The following HPSE variants were observed in gnomAD, a reference collection of about 807,000 sequenced individuals.
HPSE encodes endo-glucoronidase.
HPSE carries 48 observed loss-of-function variants against 65.1 expected under a neutral mutation model. The ratio of observed to expected loss-of-function variants is 0.74; its 90% CI spans 0.58 to 0.94. The LOEUF (loss-of-function observed/expected upper bound fraction) is 0.94, where lower values mean the gene tolerates loss of function less well. Ranked by LOEUF, HPSE falls within the 40% of genes least tolerant of loss-of-function variation. The pLI is 0.00. For synonymous variants in HPSE, 243 were observed against 260.0 expected, an observed-to-expected ratio of 0.93 and a Z score of 0.63; for missense variants, 644 against 637.5, an observed-to-expected ratio of 1.01 and a Z score of -0.11.
rs1735616122 is a variant in HPSE at position 83,293,377 on chromosome 4, T to G, written c.*1967A>C. ...TTGCTATGAGGTTTGAAGGGGCCCA[T>G]GAAACAGCTACAGCCATCATGCTAC... On this transcript the variant is annotated 3_prime_UTR_variant, in exon 12 of 12. Transcript: ENST00000311412. The G allele has an allele frequency of 6.6e-6, 1 of 152,136 alleles. No individual in the cohort carries two copies. Among genetic ancestry groups the G allele is most frequent in the Non-Finnish European group, 1.5e-5 (1 of 68,036 alleles). 9.4% of individuals were successfully genotyped at this position (152,136 alleles called of 1,614,324 possible).
Position 83,293,393 on chromosome 4 carries a change from A to G in HPSE, c.*1951T>C, listed in dbSNP as rs1203544764. ...AGGGGCCCATGAAACAGCTACAGCC[A>G]TCATGCTACCAGAGTCTGAGAATGA... On this transcript the variant is annotated 3_prime_UTR_variant, in exon 12 of 12. Transcript: ENST00000311412. The G allele has an allele frequency of 1.3e-5, 2 of 152,230 alleles. No individual in the cohort carries two copies. Among genetic ancestry groups the G allele is most frequent in the East Asian group, 1.9e-4 (1 of 5,200 alleles). 9.4% of individuals were successfully genotyped at this position (152,230 alleles called of 1,614,324 possible).
In HPSE at chr4:83,334,826, G is replaced by T. The variant is rs1228098375; in HGVS notation, c.-44C>A. The stretch of plus-strand genomic sequence containing the variant: ...CTCCCCCCGCCAGCTGCCGCGCAGC[G>T]GAGAGTCGAGAGCTCTAGCACTTCC... On this transcript the variant is annotated 5_prime_UTR_variant, in exon 1 of 12. Transcript: ENST00000311412. 1.7e-4 allele frequency: 258 copies of T among 1,476,266 alleles called. No individual in the cohort carries two copies. The highest frequency in any genetic ancestry group is 2.3e-4 in the Non-Finnish European group (257 of 1,115,848). The allele number at this position is 1,476,266 out of a possible 1,614,324, so 91.4% of individuals were successfully genotyped here.
At chr4:83,316,054 T>C (rs951881660) in intron 3 of HPSE, among the ~76,000 whole-genome samples, 1 of 151,816 alleles carries the variant, frequency 6.6e-6, no homozygotes, top group South Asian at 2.1e-4. Context: ...TGAGACAGAG[T>C]ATTGTTCTGT....
chr4:83,300,678 A>G (rs1256262001), intron 11 of HPSE, among the ~76,000 whole-genome samples: 2 of 48,780 alleles, frequency 4.1e-5, no homozygotes, highest in African/African-American at 9.1e-5. Context: ...AGCCGGGCGT[A>G]GTGGCGGGCG....
intron 11 of HPSE, among the ~76,000 whole-genome samples, chr4:83,300,354 T>C (rs1735892030): frequency 6.6e-6 from 1 of 152,234 alleles, no homozygotes; most frequent in African/African-American, 2.4e-5. Flanking sequence ...TTTGCTTTAG[T>C]GAATGTGTTA....
At chr4:83,301,453 G>A (rs1177463234) in intron 10 of HPSE, among the ~76,000 whole-genome samples, 1 of 152,186 alleles carries the variant, frequency 6.6e-6, no homozygotes, top group African/African-American at 2.4e-5. Flanking sequence ...GGCAAATTTT[G>A]TGGGTTCATG....
chr4:83,309,519 GA>G (rs753799136), intron 6 of HPSE, 24 bp from the exon 7 acceptor site: 40 of 1,249,920 alleles, frequency 3.2e-5, no homozygotes, highest in South Asian at 3.1e-4. Flanking sequence ...AAAATATTCA[GA>G]AAAAAAATAA....
chr4:83,317,630 A>T (rs4693077), intron 3 of HPSE, among the ~76,000 whole-genome samples: 121,254 of 152,130 alleles, frequency 0.8, 48,486 homozygotes, highest in East Asian at 0.87. Flanking sequence ...TTGGAAACCT[A>T]CCATTTTGGT....
At chr4:83,315,320 CT>C (rs1413267526) in intron 3 of HPSE, among the ~76,000 whole-genome samples, 3 of 152,154 alleles carry the variant, frequency 2.0e-5, no homozygotes, top group Non-Finnish European at 4.4e-5. Flanking sequence ...TTGAAAAGCT[CT>C]CTAGAGTCCT....
chr4:83,314,495 A>AT (rs1252870665), intron 3 of HPSE, among the ~76,000 whole-genome samples: 3 of 152,102 alleles, frequency 2.0e-5, no homozygotes, highest in South Asian at 2.1e-4. Context: ...AAATACAGGT[A>AT]TTTTTTGTGG....
intron 3 of HPSE, among the ~76,000 whole-genome samples, chr4:83,314,401 GA>G (rs1274330375): frequency 6.6e-6 from 1 of 152,070 alleles, no homozygotes; most frequent in Non-Finnish European, 1.5e-5. Flanking sequence ...AGTTTGCAAG[GA>G]AAAAAACATC....
At chr4:83,298,325 C>A (rs182180784) in intron 11 of HPSE, among the ~76,000 whole-genome samples, 1 of 152,116 alleles carries the variant, frequency 6.6e-6, no homozygotes, top group Non-Finnish European at 1.5e-5. Context: ...ATATAAAATA[C>A]GGCCTTTATG....
chr4:83,306,112 G>C, intron 9 of HPSE, 91 bp downstream of exon 9: 1 of 702,106 alleles, frequency 1.4e-6, no homozygotes, highest in South Asian at 1.7e-5. Flanking sequence ...TAGTTACTGA[G>C]AGGACTGACT....
intron 1 of HPSE, among the ~76,000 whole-genome samples, chr4:83,332,926 C>T (rs1297642667): frequency 6.6e-6 from 1 of 151,744 alleles, no homozygotes; most frequent in African/African-American, 2.4e-5. Flanking sequence ...AACCGCCCCC[C>T]CCCACCCCAC....
intron 8 of HPSE, 119 bp downstream of exon 8, chr4:83,308,726 G>C (rs1736244032): frequency 1.4e-6 from 1 of 718,974 alleles, no homozygotes; most frequent in East Asian, 2.5e-5. Context: ...CATGAATTTT[G>C]GGGCTCAGCC....
In HPSE at chr4:83,316,877, GTTGTTGTTTTTTGTT is replaced by G. The variant is rs529598402; in HGVS notation, c.499+2452_499+2466del. Among the ~76,000 whole-genome samples the G allele has an allele frequency of 2.3e-4, 35 of 152,082 alleles. No individual in the cohort carries two copies. The South Asian group carries it at 7.3e-3, about 32-fold the overall frequency. Reference sequence around the variant, plus strand: ...CTTCTGGGACACCCGTTTTTTTGTTGTTGTTGTTTTTTGTTTGTTTGTTTTTTGTTTTTGTTTTTT... The same window carrying G: ...CTTCTGGGACACCCGTTTTTTTGTTGTGTTTGTTTTTTGTTTTTGTTTTTT... On this transcript the variant is annotated intron_variant, in intron 3 of 11. Coordinates refer to ENST00000311412, the MANE Select transcript of HPSE (RefSeq NM_001098540.3).
Position 83,326,624 on chromosome 4 carries a change from G to C in HPSE, c.228-4260C>G, listed in dbSNP as rs1014536281. The stretch of plus-strand genomic sequence containing the variant: ...ACAGGCCGGGAATATAGACAGGCGA[G>C]TCCTCAGTAGAAATGTCAGGGACTG... On this transcript the variant is annotated intron_variant, in intron 1 of 11. Transcript: ENST00000311412. This position sits in a 1 kb window ranked among gnomAD's most constrained non-coding sequence, Gnocchi z 4.2. 3.3e-5 allele frequency among the ~76,000 whole-genome samples: 5 copies of C among 152,228 alleles called. No homozygotes were observed. The highest frequency in any genetic ancestry group is 1.2e-4 in the African/African-American group (5 of 41,452).
At chr4:83,328,258 G>A (rs1000020561) in intron 1 of HPSE, among the ~76,000 whole-genome samples, 3 of 152,182 alleles carry the variant, frequency 2.0e-5, no homozygotes, top group Non-Finnish European at 2.9e-5. Flanking sequence ...CTCTCTAGGC[G>A]CAGGAAAGGA....
chr4:83,334,902 T>C (rs1423326653), upstream of HPSE: 1 of 1,403,288 alleles, frequency 7.1e-7, no homozygotes, highest in Non-Finnish European at 9.3e-7. Context: ...CCGTTACGCC[T>C]CCTCACCCCT....
Sources: allele counts gnomAD v4.1 joint callset (sites outside exome capture counted in the v4.1 genomes callset), GRCh38; gene constraint gnomAD v4.1.1; non-coding constraint Gnocchi (gnomAD v3.1); transcripts MANE v1.5; gene names NCBI Gene and HGNC (gene_info 2026-07-23, HGNC 2026-07-21).